The following ABCG5 variants were observed in gnomAD, a reference collection of about 807,000 sequenced individuals.
The protein encoded by ABCG5 is ATP-binding cassette sub-family G member 5.
In ABCG5, 64 loss-of-function variants were observed where a neutral mutation model predicts 64.5. That is an observed-to-expected ratio of 0.99 (90% CI 0.81 to 1.22). ABCG5 has a LOEUF of 1.22. ABCG5 is among the 50% of genes most tolerant of loss of function. The pLI, the probability that ABCG5 is intolerant of heterozygous loss-of-function variation, is 0.00. For missense variants in ABCG5, 908 were observed against 829.5 expected (o/e 1.09, Z -1.16); for synonymous variants, 385 against 326.3 (o/e 1.18, Z -1.94).
At chr2:43,832,348 C>G in intron 2 of ABCG5, 2 of 578,376 alleles carry the variant, frequency 3.5e-6, no homozygotes, top group Non-Finnish European at 6.2e-6. Context: ...GGGTCAAGAC[C>G]GAACGTGCTT....
intron 9 of ABCG5, 126 bp downstream of exon 9, chr2:43,823,786 GA>G: frequency 1.8e-6 from 2 of 1,095,220 alleles, no homozygotes; most frequent in South Asian, 3.3e-5. Context: ...CCCAGAGAGG[GA>G]ACCTGGAGAG....
chr2:43,822,013 T>A (rs1243721174), intron 10 of ABCG5, among the ~76,000 whole-genome samples: 1 of 152,186 alleles, frequency 6.6e-6, no homozygotes, highest in African/African-American at 2.4e-5. Context: ...AAATTTTGGC[T>A]GCATTTTCAT....
chr2:43,806,952 T>C, the ABCG5 span, among the ~76,000 whole-genome samples: 1 of 152,124 alleles, frequency 6.6e-6, no homozygotes. Context: ...TCTAAACCAC[T>C]TTTATTTGTG....
chr2:43,822,031 C>G (rs771773677), intron 10 of ABCG5, among the ~76,000 whole-genome samples: 2 of 152,134 alleles, frequency 1.3e-5, no homozygotes, highest in Non-Finnish European at 2.9e-5. Flanking sequence ...CATCTACTCT[C>G]AATCTGATGT....
At chr2:43,812,079 C>T (rs529412704), downstream of ABCG5, among the ~76,000 whole-genome samples, 1 of 151,800 alleles carries the variant, frequency 6.6e-6, no homozygotes, top group Admixed American at 6.6e-5. Context: ...GGGTCTTGCT[C>T]TGTCTCTGTT....
Position 43,832,005 on chromosome 2 carries a change from A to C in ABCG5, c.344T>G (p.Val115Gly). Residue 115 changes from valine to glycine, a missense_variant, in exon 3 of 13, where the codon GTG (valine) becomes GGG (glycine). Physicochemically the swap from Val to Gly is moderately radical, Grantham distance 109. Transcript: ENST00000405322. Reference protein sequence around the residue: ...RAGTFLGEVYVNGRALRREQF... With the variant: ...RAGTFLGEVYGNGRALRREQF... ...CTCCCGGCGCAGCGCCCGGCCGTTCACATACACCTCCCCCAGGAAGGTCCC... is the reference window on the plus strand; with the variant it reads ...CTCCCGGCGCAGCGCCCGGCCGTTCCCATACACCTCCCCCAGGAAGGTCCC... 2.6e-6 allele frequency: 4 copies of C among 1,563,532 alleles called. No homozygotes were observed. The highest frequency in any genetic ancestry group is 3.5e-6 in the Non-Finnish European group (4 of 1,154,102).
rs766272756 is a variant in ABCG5, at chr2:43,814,472, C to G, written c.1762+5G>C. The G allele has an allele frequency of 6.4e-7, 1 of 1,572,220 alleles. No individual in the cohort carries two copies. The highest frequency in any genetic ancestry group is 8.8e-7 in the Non-Finnish European group (1 of 1,142,422). On this transcript the variant is annotated splice_donor_5th_base_variant and intron_variant, in intron 12 of 12. Transcript: ENST00000405322. The stretch of plus-strand genomic sequence containing the variant: ...AAAAATAATATCCCCAAATAGAATA[C>G]TTACCACAAGTGAAATTCAGTCCGT...
chr2:43,810,431 T>C, downstream of ABCG5: 1 of 985,382 alleles, frequency 1.0e-6, no homozygotes, highest in Non-Finnish European at 1.2e-6. Context: ...CATCATGTGT[T>C]GCGGATAACC....
Position 43,819,995 on chromosome 2 carries a change from G to T in ABCG5, c.1569C>A (p.Ile523=), listed in dbSNP as rs376969021. The T allele has an allele frequency of 2.5e-6, 4 of 1,614,132 alleles. No individual in the cohort carries two copies. In the South Asian group the frequency reaches 3.3e-5, roughly 13 times the overall value. Residue 523 remains isoleucine, a synonymous_variant, in exon 11 of 13, where the codon ATC becomes ATA. Transcript: ENST00000405322. ...TGTTGACTATATTTGGATTTTGGACGATACCAAGTAGCACAAGAGTTAGAA... is the reference window on the plus strand; with the variant it reads ...TGTTGACTATATTTGGATTTTGGACTATACCAAGTAGCACAAGAGTTAGAA... ...GEFLTLVLLG[I]VQNPNIVNSV...
chr2:43,836,043 T>G (rs4953021), intron 2 of ABCG5, among the ~76,000 whole-genome samples: 67,074 of 151,364 alleles, frequency 0.44, 15,827 homozygotes, highest in East Asian at 0.84. Flanking sequence ...TTCAAGGGAT[T>G]CTCCTGCCTC....
At chr2:43,829,075 A>C (rs547212051) in intron 4 of ABCG5, among the ~76,000 whole-genome samples, 1 of 152,358 alleles carries the variant, frequency 6.6e-6, no homozygotes, top group South Asian at 2.1e-4. Flanking sequence ...CAGATACTTC[A>C]TTAAACTCCT....
chr2:43,832,456 T>A, intron 2 of ABCG5: 1 of 326,392 alleles, frequency 3.1e-6, no homozygotes, highest in Non-Finnish European at 5.8e-6. Context: ...CTTGGAAACG[T>A]TTGGATCCTA....
At chr2:43,820,706 T>C (rs1667135195) in intron 10 of ABCG5, among the ~76,000 whole-genome samples, 1 of 152,148 alleles carries the variant, frequency 6.6e-6, no homozygotes, top group South Asian at 2.1e-4. Flanking sequence ...CAGACTGGAG[T>C]GCAGTGGCGT....
downstream of ABCG5, among the ~76,000 whole-genome samples, chr2:43,808,873 G>T (rs1026621699): frequency 1.3e-5 from 2 of 152,054 alleles, no homozygotes; most frequent in African/African-American, 4.8e-5. Context: ...TGCTGAGACA[G>T]AGCAATGGGT....
At chr2:43,815,058 T>C (rs975191621) in intron 11 of ABCG5, among the ~76,000 whole-genome samples, 5 of 152,160 alleles carry the variant, frequency 3.3e-5, no homozygotes, top group Admixed American at 1.3e-4. Context: ...TACAAGAAAA[T>C]ACAGACCTAA....
Position 43,813,231 on chromosome 2 carries a change from G to T in ABCG5, c.1841C>A (p.Pro614Gln). Reference protein sequence around the residue: ...QGIQFIEKTCPGATSRFTMNF... With the variant: ...QGIQFIEKTCQGATSRFTMNF... Reference sequence around the variant, plus strand: ...CATTGTGAATCTAGATGTTGCACCTGGGCAGGTTTTCTCAATGAATTGAAT... The same window carrying T: ...CATTGTGAATCTAGATGTTGCACCTTGGCAGGTTTTCTCAATGAATTGAAT... The change falls in exon 13 of 13, where the codon CCA becomes CAA. Residue 614 changes from proline (P) to glutamine (Q), a missense_variant. By Grantham distance (76) the Pro-to-Gln change is moderately conservative. Transcript: ENST00000405322. 6.2e-7 allele frequency: 1 copy of T among 1,613,620 alleles called. No homozygotes were observed. Among genetic ancestry groups the T allele is most frequent in the Non-Finnish European group, 8.5e-7 (1 of 1,179,622 alleles).
intron 10 of ABCG5, 139 bp downstream of exon 10, chr2:43,822,658 A>T: frequency 6.5e-7 from 1 of 1,549,120 alleles, no homozygotes; most frequent in Non-Finnish European, 8.7e-7. Flanking sequence ...GGAAGATACG[A>T]CATTGCACTA....
At chr2:43,818,819 A>C (rs974616664) in intron 11 of ABCG5, among the ~76,000 whole-genome samples, 4 of 152,172 alleles carry the variant, frequency 2.6e-5, no homozygotes, top group African/African-American at 9.7e-5. Context: ...TTTCATATTG[A>C]TTATTTCCGT....
intron 9 of ABCG5, 96 bp downstream of exon 9, chr2:43,823,817 A>T: frequency 7.0e-7 from 1 of 1,429,356 alleles, no homozygotes. Context: ...TAGCTCAGAG[A>T]AAAACCCTTA....
Sources: allele counts gnomAD v4.1 joint callset (sites outside exome capture counted in the v4.1 genomes callset), GRCh38; gene constraint gnomAD v4.1.1; transcripts MANE v1.5; gene names NCBI Gene and HGNC (gene_info 2026-07-23, HGNC 2026-07-21).